Variants in PTGER4 observed in about 807,000 individuals in gnomAD.
The protein encoded by PTGER4 is prostaglandin E receptor 4.
PTGER4 carries 11 observed loss-of-function variants against 33.2 expected under a neutral mutation model. The observed-to-expected ratio is 0.33, with a 90% confidence interval of 0.21 to 0.55. The LOEUF is 0.55. PTGER4 is among the 20% of genes least tolerant of loss of function. The probability of loss-of-function intolerance (pLI) is 0.92; values close to 1 mark genes in which losing one functional copy is unlikely to be tolerated. For missense variants in PTGER4, 481 were observed against 650.2 expected (o/e 0.74, Z 2.83); for synonymous variants, 275 against 281.5 (o/e 0.98, Z 0.23).
At chr5:40,718,974 T>C in the PTGER4 span, among the ~76,000 whole-genome samples, 2 of 152,144 alleles carry the variant, frequency 1.3e-5, no homozygotes, top group East Asian at 1.9e-4. Context: ...AATATTCTAA[T>C]AAAAATCCAC....
chr5:40,720,449 G>A, the PTGER4 span, among the ~76,000 whole-genome samples: 1 of 152,148 alleles, frequency 6.6e-6, no homozygotes, highest in African/African-American at 2.4e-5. Flanking sequence ...GATTACTAAT[G>A]CTTTCATATT....
chr5:40,702,723 G>A, the PTGER4 span, among the ~76,000 whole-genome samples: 9 of 152,078 alleles, frequency 5.9e-5, no homozygotes, highest in East Asian at 1.9e-4. Context: ...TCTTCTCATC[G>A]CCACATGGCA....
At chr5:40,708,110 C>T in the PTGER4 span, among the ~76,000 whole-genome samples, 5 of 152,016 alleles carry the variant, frequency 3.3e-5, no homozygotes, top group South Asian at 4.1e-4. Context: ...CCTAACATCA[C>T]GATTAAAAGA....
the PTGER4 span, among the ~76,000 whole-genome samples, chr5:40,743,980 T>A: frequency 6.6e-6 from 1 of 152,242 alleles, no homozygotes; most frequent in Non-Finnish European, 1.5e-5. Context: ...AATGCTGATA[T>A]CTCTTCTCTG....
Position 40,693,121 on chromosome 5 carries a change from CTA to C in PTGER4, c.*745_*746del. On this transcript the variant is annotated 3_prime_UTR_variant, in exon 3 of 3. Coordinates refer to ENST00000302472, the MANE Select transcript of PTGER4 (RefSeq NM_000958.3). ...AGTCCAAAATACTGTTCTTTCCAGG[CTA>C]TGTATAAAATACATAGTGAAAATTG... is the stretch of plus-strand genomic sequence containing the variant. 1 of 950,370 alleles carries C rather than the reference CTA, an allele frequency of 1.1e-6. No individual in the cohort carries two copies. The highest frequency in any genetic ancestry group is 4.9e-5 in the South Asian group (1 of 20,574). 58.9% of individuals were successfully genotyped at this position (950,370 alleles called of 1,614,324 possible).
chr5:40,703,553 T>C, the PTGER4 span, among the ~76,000 whole-genome samples: 2 of 152,142 alleles, frequency 1.3e-5, 1 homozygote, highest in South Asian at 4.1e-4. Flanking sequence ...AGCCGAATTC[T>C]ACCAGATATA....
the PTGER4 span, among the ~76,000 whole-genome samples, chr5:40,728,671 G>A: frequency 6.6e-6 from 1 of 152,114 alleles, no homozygotes; most frequent in African/African-American, 2.4e-5. Flanking sequence ...CTATGAAAAT[G>A]TAAACGATTC....
chr5:40,729,681 T>G, the PTGER4 span, among the ~76,000 whole-genome samples: 3 of 152,144 alleles, frequency 2.0e-5, no homozygotes, highest in African/African-American at 7.2e-5. Flanking sequence ...CAACAGTGAC[T>G]TTTTATTTAT....
the PTGER4 span, among the ~76,000 whole-genome samples, chr5:40,713,842 TTAGTCTA>T: frequency 6.7e-6 from 1 of 149,782 alleles, no homozygotes; most frequent in Non-Finnish European, 1.5e-5. Context: ...ATTAACAAGC[TTAGTCTA>T]TGTTTGTATA....
At chr5:40,729,113 T>C in the PTGER4 span, among the ~76,000 whole-genome samples, 1 of 152,206 alleles carries the variant, frequency 6.6e-6, no homozygotes, top group South Asian at 2.1e-4. Flanking sequence ...CAAACATTAT[T>C]ATCAGGTTCC....
the PTGER4 span, among the ~76,000 whole-genome samples, chr5:40,724,775 T>C: frequency 2.0e-5 from 3 of 152,128 alleles, no homozygotes; most frequent in Non-Finnish European, 4.4e-5. Context: ...ATTTGTACTA[T>C]TCAATTATAA....
rs1347490150 is a variant in PTGER4 at position 40,691,111 on chromosome 5, G to A, written c.868-668G>A. On this transcript the variant is annotated intron_variant, in intron 2 of 2. Coordinates refer to ENST00000302472, the MANE Select transcript of PTGER4 (RefSeq NM_000958.3). The surrounding 1 kb of genome is among the most constrained non-coding windows in gnomAD (Gnocchi z 4.2). The stretch of plus-strand genomic sequence containing the variant: ...TCTCAGCTCACTGCAACCTCCACCC[G>A]CCGCATTCAAGCCATTCTCCTGCCT... Among the ~76,000 whole-genome samples the A allele has an allele frequency of 2.6e-5, 4 of 151,378 alleles. No individual in the cohort carries two copies. The highest frequency in any genetic ancestry group is 6.6e-5 in the Admixed American group (1 of 15,200).
the PTGER4 span, among the ~76,000 whole-genome samples, chr5:40,707,268 G>A: frequency 6.6e-6 from 1 of 152,132 alleles, no homozygotes; most frequent in South Asian, 2.1e-4. Flanking sequence ...CCATCGGTGT[G>A]CCGTATTCAG....
downstream of PTGER4, among the ~76,000 whole-genome samples, chr5:40,697,266 G>GAA (rs1435542851): frequency 9.2e-5 from 10 of 108,160 alleles, no homozygotes; most frequent in African/African-American, 2.8e-4. Context: ...AAGAAAGAAA[G>GAA]AAAGAAAGAA....
rs535287205 is a variant in PTGER4, at chr5:40,691,568, G to A, written c.868-211G>A. Among the ~76,000 whole-genome samples the A allele has an allele frequency of 1.3e-3, 192 of 152,188 alleles. 1 individual carries two copies. The highest frequency in any genetic ancestry group is 4.2e-3 in the African/African-American group (174 of 41,520). On this transcript the variant is annotated intron_variant, in intron 2 of 2. Coordinates refer to ENST00000302472, the MANE Select transcript of PTGER4 (RefSeq NM_000958.3). The surrounding 1 kb of genome is among the most constrained non-coding windows in gnomAD (Gnocchi z 4.2). ...TGACCTCAAGTGATCCTCCCACCTC[G>A]GCCTCCCAAAGTGCTGGGATTACAG...
chr5:40,686,014 T>A (rs1357514546), intron 2 of PTGER4, among the ~76,000 whole-genome samples: 3 of 152,184 alleles, frequency 2.0e-5, no homozygotes, highest in Non-Finnish European at 4.4e-5. Context: ...ACTTGCCTTC[T>A]ACAAATGGCC....
chr5:40,711,955 T>A, the PTGER4 span, among the ~76,000 whole-genome samples: 1 of 152,108 alleles, frequency 6.6e-6, no homozygotes, highest in African/African-American at 2.4e-5. Context: ...AGAGAACTTT[T>A]TGGGTGATGG....
the PTGER4 span, among the ~76,000 whole-genome samples, chr5:40,725,999 A>C: frequency 6.6e-6 from 1 of 151,444 alleles, no homozygotes; most frequent in South Asian, 2.1e-4. Flanking sequence ...GTTAGCCAGG[A>C]TGGTCTCAAT....
the PTGER4 span, chr5:40,728,557 A>C: frequency 3.0e-6 from 4 of 1,348,522 alleles, no homozygotes; most frequent in Non-Finnish European, 4.0e-6. Context: ...TTCATTTTTT[A>C]AGATATATTT....
Sources: allele counts gnomAD v4.1 joint callset (sites outside exome capture counted in the v4.1 genomes callset), GRCh38; gene constraint gnomAD v4.1.1; non-coding constraint Gnocchi (gnomAD v3.1); transcripts MANE v1.5; gene names NCBI Gene and HGNC (gene_info 2026-07-23, HGNC 2026-07-21).